PLCE1: variants seen among roughly 807,000 people sequenced by gnomAD.
PLCE1 encodes phospholipase C epsilon 1.
Under a neutral mutation model 242.8 loss-of-function variants are expected in PLCE1, and 119 were observed. The ratio of observed to expected loss-of-function variants is 0.49; its 90% CI spans 0.42 to 0.57. The LOEUF (loss-of-function observed/expected upper bound fraction) is 0.57. PLCE1 is among the 20% of genes least tolerant of loss of function. PLCE1 has a pLI of 0.00. For synonymous variants in PLCE1, 945 were observed against 1,017.4 expected (o/e 0.93, Z 1.35); for missense variants, 2,441 against 2,788.8 (o/e 0.88, Z 2.81).
chr10:94,207,706 G>A (rs904222186), intron 4 of PLCE1, among the ~76,000 whole-genome samples: 4 of 152,192 alleles, frequency 2.6e-5, no homozygotes, highest in African/African-American at 7.2e-5. Flanking sequence ...AATGGCTGAT[G>A]CCATGGCTGG....
intron 4 of PLCE1, among the ~76,000 whole-genome samples, chr10:94,192,854 T>TA (rs1465917439): frequency 1.3e-5 from 2 of 152,134 alleles, no homozygotes; most frequent in East Asian, 3.9e-4. Context: ...TTAACAATTT[T>TA]AAAAATCAGT....
At chr10:94,267,242 G>A (rs1311039645) in intron 16 of PLCE1, among the ~76,000 whole-genome samples, 6 of 152,114 alleles carry the variant, frequency 3.9e-5, no homozygotes, top group Non-Finnish European at 7.3e-5. Flanking sequence ...GTACTTGTGT[G>A]TATCCACATT....
At chr10:94,227,183 T>C (rs1452427796) in intron 4 of PLCE1, 123 bp from the exon 5 acceptor site, 3 of 905,838 alleles carry the variant, frequency 3.3e-6, no homozygotes, top group Middle Eastern at 2.1e-4. Context: ...AGCCAGGACC[T>C]ACAGGTCTTT....
intron 24 of PLCE1, among the ~76,000 whole-genome samples, chr10:94,301,360 AGAAAAT>A (rs1335723232): frequency 6.6e-6 from 1 of 152,030 alleles, no homozygotes; most frequent in Non-Finnish European, 1.5e-5. Context: ...AAAAAGAAAA[AGAAAAT>A]TATATATATA....
chr10:94,308,732 T>G (rs758049462), intron 27 of PLCE1, 33 bp downstream of exon 27: 1 of 1,365,862 alleles, frequency 7.3e-7, no homozygotes, highest in Non-Finnish European at 1.0e-6. Context: ...AACATATTTA[T>G]GGGGATTGCT....
chr10:94,028,042 G>A (rs2061486021), intron 1 of PLCE1, among the ~76,000 whole-genome samples: 1 of 152,020 alleles, frequency 6.6e-6, no homozygotes, highest in African/African-American at 2.4e-5. Flanking sequence ...TCCAGTGGAG[G>A]GATCTTTGGC....
chr10:94,162,225 G>A (rs1156755298), intron 3 of PLCE1, among the ~76,000 whole-genome samples: 2 of 152,190 alleles, frequency 1.3e-5, no homozygotes, highest in Non-Finnish European at 2.9e-5. Context: ...AGTTTCAGAA[G>A]AAATGGTACC....
rs529894244 is a variant in PLCE1 at position 94,032,230 on chromosome 10, T to C, written c.1184T>C (p.Leu395Pro). Residue 395 changes from leucine to proline, a missense_variant, in exon 2 of 33, where the codon CTG (leucine) becomes CCG (proline). Around this residue, in one of 5 missense-constraint regions of PLCE1, gnomAD observed 733 missense variants for 754.2 expected, o/e 0.97. Coordinates refer to ENST00000371380, the MANE Select transcript of PLCE1 (RefSeq NM_016341.4). ...ATAAGGCAAGATGGGAGCCAACGTCTGTCAGAAGCCCAGTGGTATCCTGTA... is the reference window on the plus strand; with the variant it reads ...ATAAGGCAAGATGGGAGCCAACGTCCGTCAGAAGCCCAGTGGTATCCTGTA... Reference protein sequence around the residue: ...VEIRQDGSQRLSEAQWYPIYN... With the variant: ...VEIRQDGSQRPSEAQWYPIYN... The C allele has an allele frequency of 5.0e-6, 8 of 1,613,414 alleles. No homozygotes were observed. The highest frequency in any genetic ancestry group is 4.5e-5 in the East Asian group (2 of 44,856).
chr10:94,085,745 C>T (rs952470270), intron 2 of PLCE1, among the ~76,000 whole-genome samples: 2 of 152,102 alleles, frequency 1.3e-5, no homozygotes, highest in African/African-American at 4.8e-5. Flanking sequence ...GCACTGAATG[C>T]CAGAACGGCC....
chr10:94,291,034 C>G (rs994237509), intron 22 of PLCE1, among the ~76,000 whole-genome samples: 3 of 152,172 alleles, frequency 2.0e-5, no homozygotes, highest in Admixed American at 2.0e-4. Flanking sequence ...TGCTATATGG[C>G]TAATGACTGT....
intron 2 of PLCE1, chr10:94,096,710 G>A (rs4145083): frequency 0.32 from 48,222 of 151,976 alleles, 8,385 homozygotes; most frequent in African/African-American, 0.47. Flanking sequence ...CCCTGGGCAC[G>A]AAATCACATG....
At chr10:94,212,589 C>T (rs1012024214) in intron 4 of PLCE1, among the ~76,000 whole-genome samples, 1 of 152,158 alleles carries the variant, frequency 6.6e-6, no homozygotes, top group Non-Finnish European at 1.5e-5. Flanking sequence ...TGGGGTTTCA[C>T]CCTGTTGGTC....
chr10:94,111,994 G>A (rs901871656), intron 2 of PLCE1, among the ~76,000 whole-genome samples: 4 of 152,090 alleles, frequency 2.6e-5, no homozygotes, highest in African/African-American at 9.7e-5. Context: ...TTTCCTATGG[G>A]AAAATACATC....
chr10:94,216,266 C>G (rs971277749), intron 4 of PLCE1, among the ~76,000 whole-genome samples: 1 of 152,168 alleles, frequency 6.6e-6, no homozygotes, highest in Non-Finnish European at 1.5e-5. Flanking sequence ...CAGTTGAGAT[C>G]TCCTCGGTGA....
chr10:94,200,671 T>C (rs755495060), intron 4 of PLCE1, among the ~76,000 whole-genome samples: 1 of 151,974 alleles, frequency 6.6e-6, no homozygotes, highest in Non-Finnish European at 1.5e-5. Context: ...GGAAGTACAG[T>C]AGGGAAAGGG....
chr10:94,198,993 A>G (rs2048911362), intron 4 of PLCE1, among the ~76,000 whole-genome samples: 1 of 152,172 alleles, frequency 6.6e-6, no homozygotes, highest in Admixed American at 6.5e-5. Context: ...TTGAGGCTGC[A>G]GTGAGCTGAA....
intron 14 of PLCE1, 100 bp downstream of exon 14, chr10:94,262,832 C>A: frequency 1.1e-6 from 1 of 920,118 alleles, no homozygotes; most frequent in Non-Finnish European, 1.8e-6. Context: ...TTTCCAAAGC[C>A]TTTAAATCTG....
chr10:94,232,582 C>G (rs1297953616), intron 5 of PLCE1, among the ~76,000 whole-genome samples: 2 of 152,114 alleles, frequency 1.3e-5, no homozygotes, highest in Non-Finnish European at 1.5e-5. Flanking sequence ...TAGTTACTCT[C>G]TCTAATTTTT....
At chr10:94,066,706 G>A (rs1209681726) in intron 2 of PLCE1, among the ~76,000 whole-genome samples, 2 of 152,064 alleles carry the variant, frequency 1.3e-5, no homozygotes, top group Non-Finnish European at 2.9e-5. Context: ...GCAACTTCCC[G>A]ACTGGGATCA....
Sources: gnomAD v4.1 joint callset for allele counts (sites outside exome capture counted in the v4.1 genomes callset) on GRCh38, gnomAD v4.1.1 for gene constraint, gnomAD v4.1.1 regional missense constraint, MANE v1.5 for transcripts, NCBI Gene and HGNC (gene_info 2026-07-23, HGNC 2026-07-21) for gene names.